Variants in ARID5B observed in about 807,000 individuals in gnomAD.
The protein encoded by ARID5B is AT-rich interaction domain 5B, also known as AT-rich interactive domain-containing protein 5B.
ARID5B carries 13 observed loss-of-function variants against 97.2 expected under a neutral mutation model. The observed-to-expected ratio is 0.13, with a 90% confidence interval of 0.09 to 0.21. The LOEUF (loss-of-function observed/expected upper bound fraction) is 0.21, where lower values mean the gene tolerates loss of function less well. Ranked by LOEUF, ARID5B falls within the 10% of genes least tolerant of loss-of-function variation. ARID5B has a pLI of 1.00. For missense variants in ARID5B, 1,210 were observed against 1,465.3 expected (o/e 0.83, Z 2.84); for synonymous variants, 556 against 570.3 (o/e 0.97, Z 0.36).
chr10:61,996,058 T>C (rs1359280747), intron 3 of ARID5B, among the ~76,000 whole-genome samples: 3 of 151,892 alleles, frequency 2.0e-5, no homozygotes, highest in South Asian at 2.1e-4. Context: ...TGGAAGGAGG[T>C]TGATGAAAGG....
chr10:61,993,003 A>C (rs1838947682), intron 3 of ARID5B, among the ~76,000 whole-genome samples: 1 of 152,038 alleles, frequency 6.6e-6, no homozygotes. Context: ...TCTATTCCGG[A>C]TGGAATCTTG....
At chr10:61,954,381 AAAAAT>A (rs1838363518) in intron 3 of ARID5B, among the ~76,000 whole-genome samples, 1 of 151,682 alleles carries the variant, frequency 6.6e-6, no homozygotes. Flanking sequence ...ATAAATAAAT[AAAAAT>A]AAAATAAAAT....
chr10:62,049,342 T>A (rs751447938), intron 4 of ARID5B: 3 of 1,531,624 alleles, frequency 2.0e-6, no homozygotes, highest in Non-Finnish European at 1.8e-6. Context: ...AGCAGAGCGC[T>A]GAGCCTCGCA....
intron 4 of ARID5B, among the ~76,000 whole-genome samples, chr10:62,008,659 G>T (rs575117709): frequency 1.3e-5 from 2 of 152,086 alleles, no homozygotes. Context: ...CTGTCCTTTG[G>T]TCTGTTTTTA....
intron 8 of ARID5B, among the ~76,000 whole-genome samples, chr10:62,076,432 C>T (rs1840135050): frequency 6.6e-6 from 1 of 151,952 alleles, no homozygotes. Flanking sequence ...ATCCTGACTA[C>T]TCAGATGTCT....
At chr10:61,938,964 AGTGTGTGTGTGT>A (rs60329829) in intron 2 of ARID5B, among the ~76,000 whole-genome samples, 16 of 125,194 alleles carry the variant, frequency 1.3e-4, no homozygotes, top group East Asian at 9.4e-4. Context: ...GAATTGGAGA[AGTGTGTGTGTGT>A]GTGTGTGTGT....
chr10:61,945,655 G>T (rs1315169524), intron 3 of ARID5B, among the ~76,000 whole-genome samples: 1 of 152,032 alleles, frequency 6.6e-6, no homozygotes, highest in South Asian at 2.1e-4. Context: ...TCTAAAATGG[G>T]CAATAATATG....
At chr10:61,968,777 C>T (rs1370631891) in intron 3 of ARID5B, among the ~76,000 whole-genome samples, 1 of 152,128 alleles carries the variant, frequency 6.6e-6, no homozygotes, top group East Asian at 1.9e-4. Context: ...TCTGAATCAG[C>T]GTATTACTCC....
intron 3 of ARID5B, among the ~76,000 whole-genome samples, chr10:61,998,855 C>T (rs1250351038): frequency 2.0e-5 from 3 of 152,236 alleles, no homozygotes; most frequent in Middle Eastern, 3.4e-3. Context: ...ACAAATGACC[C>T]CCAAATCACC....
chr10:62,065,867 G>T (rs369097530), intron 7 of ARID5B, among the ~76,000 whole-genome samples: 21 of 114,434 alleles, frequency 1.8e-4, no homozygotes, highest in Non-Finnish European at 3.8e-4. Context: ...AAAAAAAAAG[G>T]AAACAAAGAG....
rs554428925 is a variant in ARID5B, at chr10:61,951,119, AG to A, written c.502+10712del. Among the ~76,000 whole-genome samples, 731 of 152,316 alleles carry A rather than the reference AG, an allele frequency of 4.8e-3. 2 individuals carry two copies. The highest frequency in any genetic ancestry group is 6.2e-3 in the Non-Finnish European group (419 of 68,020). On this transcript the variant is annotated intron_variant, in intron 3 of 9. Transcript: ENST00000279873. ...CCTCTCCTGTAACATTATGTGTTTA[AG>A]TCTGTAGTTTATGCAGGTCACTGCA...
chr10:61,992,149 C>T (rs555426396), intron 3 of ARID5B, among the ~76,000 whole-genome samples: 1 of 152,258 alleles, frequency 6.6e-6, no homozygotes, highest in Middle Eastern at 3.4e-3. Flanking sequence ...AACAACTTTA[C>T]CTACATGTCA....
chr10:61,978,996 T>G (rs931799728), intron 3 of ARID5B, among the ~76,000 whole-genome samples: 21 of 152,138 alleles, frequency 1.4e-4, no homozygotes, highest in African/African-American at 5.1e-4. Flanking sequence ...TGGCTGTGGG[T>G]TTGTCATAAA....
intron 3 of ARID5B, among the ~76,000 whole-genome samples, chr10:61,946,007 T>C (rs556716858): frequency 2.0e-5 from 3 of 148,276 alleles, no homozygotes; most frequent in Admixed American, 6.7e-5. Flanking sequence ...TTTTAATATA[T>C]ATTTATTTCA....
In ARID5B at chr10:62,048,192, G is replaced by C. The variant is rs114722159; in HGVS notation, c.734-2696G>C. Among the ~76,000 whole-genome samples, 951 of 152,334 alleles carry C rather than the reference G, an allele frequency of 6.2e-3. 9 individuals are homozygous for C. The highest frequency in any genetic ancestry group is 0.022 in the African/African-American group (896 of 41,564). ...CAGTCTATGAGGACAGGAAAGAACA[G>C]TATGTGGGCATCTTTATTTCCATTA... On this transcript the variant is annotated intron_variant, in intron 4 of 9. Coordinates refer to ENST00000279873, the MANE Select transcript of ARID5B (RefSeq NM_032199.3).
chr10:61,942,519 C>G (rs1206718862), intron 3 of ARID5B, among the ~76,000 whole-genome samples: 1 of 152,194 alleles, frequency 6.6e-6, no homozygotes, highest in Non-Finnish European at 1.5e-5. Flanking sequence ...TGGCCGGGTG[C>G]GGTGGCTCAC....
At chr10:62,034,106 G>A (rs532347091) in intron 4 of ARID5B, among the ~76,000 whole-genome samples, 27 of 152,292 alleles carry the variant, frequency 1.8e-4, no homozygotes, top group Non-Finnish European at 2.5e-4. Context: ...TCGGGATGTC[G>A]TCCTTTTCTG....
intron 7 of ARID5B, 42 bp from the exon 8 acceptor site, chr10:62,069,658 T>G: frequency 6.4e-7 from 1 of 1,556,508 alleles, no homozygotes. Context: ...ACTATGAATC[T>G]CTTATGATGT....
rs549866006 is a variant in ARID5B, at chr10:62,027,411, C to T, written c.734-23477C>T. ...GCAAGCTCCATCTCTCGGGTTCAAG[C>T]GATTCTCCTGCCTCAGCCTCCCAAG... On this transcript the variant is annotated intron_variant, in intron 4 of 9. Coordinates refer to ENST00000279873, the MANE Select transcript of ARID5B (RefSeq NM_032199.3). Among the ~76,000 whole-genome samples the T allele has an allele frequency of 7.0e-5, 10 of 142,994 alleles. No homozygotes were observed. In the East Asian group the frequency reaches 1.8e-3, roughly 26 times the overall value. 93.8% of individuals were successfully genotyped at this position (142,994 alleles called of 152,430 possible). A position where few individuals can be genotyped will look rare whatever the true frequency, so the allele number is the denominator to read the frequency against.
Sources: gnomAD v4.1 joint callset for allele counts (sites outside exome capture counted in the v4.1 genomes callset) on GRCh38, gnomAD v4.1.1 for gene constraint, MANE v1.5 for transcripts, NCBI Gene and HGNC (gene_info 2026-07-23, HGNC 2026-07-21) for gene names.